Variants in IRGM observed in about 807,000 individuals in gnomAD.
IRGM encodes the protein immunity related GTPase M.
For synonymous variants in IRGM, 98 were observed against 80.6 expected, an observed-to-expected ratio of 1.22 and a Z score of -1.16; for missense variants, 288 against 219.9, an observed-to-expected ratio of 1.31 and a Z score of -1.96.
At chr5:150,888,282 T>TA (rs1298397055) in intron 3 of IRGM, among the ~76,000 whole-genome samples, 1 of 151,976 alleles carries the variant, frequency 6.6e-6, no homozygotes, top group Non-Finnish European at 1.5e-5. Context: ...ATCCTAAATA[T>TA]AAATGCAGCC....
intron 1 of IRGM, among the ~76,000 whole-genome samples, chr5:150,875,113 C>G (rs1191713571): frequency 6.6e-6 from 1 of 152,168 alleles, no homozygotes; most frequent in East Asian, 1.9e-4. Context: ...CTCCTGCAAC[C>G]CTGCCTTCTC....
intron 1 of IRGM, among the ~76,000 whole-genome samples, chr5:150,866,505 C>G (rs141159623): frequency 6.6e-6 from 1 of 152,132 alleles, no homozygotes; most frequent in African/African-American, 2.4e-5. Flanking sequence ...ATGAGATGAT[C>G]TGAAATTTTG....
At chr5:150,886,631 C>G (rs752192297) in intron 3 of IRGM, among the ~76,000 whole-genome samples, 1 of 151,926 alleles carries the variant, frequency 6.6e-6, no homozygotes, top group Middle Eastern at 3.4e-3. Flanking sequence ...ATCTTGGGAG[C>G]ATGTATACGT....
intron 3 of IRGM, among the ~76,000 whole-genome samples, chr5:150,892,606 T>A (rs973053800): frequency 6.6e-6 from 1 of 152,150 alleles, no homozygotes; most frequent in African/African-American, 2.4e-5. Context: ...AGTGTAATGT[T>A]AACTAGAAAG....
rs552045934 is a variant in IRGM, at chr5:150,872,976, G to T, written c.159-5004G>T. 1.1e-4 allele frequency among the ~76,000 whole-genome samples: 16 copies of T among 152,300 alleles called. No homozygotes were observed. The South Asian group carries it at 1.7e-3, about 16-fold the overall frequency. Reference sequence around the variant, plus strand: ...GCTCTGTGATTGCTCTTCTCTGTATGCCAGATCTAACAGTGGGAACCGCAG... The same window carrying T: ...GCTCTGTGATTGCTCTTCTCTGTATTCCAGATCTAACAGTGGGAACCGCAG... On this transcript the variant is annotated intron_variant and NMD_transcript_variant, in intron 1 of 3. Coordinates refer to the IRGM transcript ENST00000520549.
chr5:150,854,355 T>C (rs1391842521), intron 1 of IRGM, among the ~76,000 whole-genome samples: 2 of 152,136 alleles, frequency 1.3e-5, no homozygotes, highest in East Asian at 1.9e-4. Context: ...CAAAATTATA[T>C]AAAACTATTA....
rs201094973 is a variant in IRGM, at chr5:150,855,940, T to C, written c.158+7286T>C. ...TCTCTTAAAGAACAGTTTCTCCAGA[T>C]GTTAATTAGGAGACACTCAATTTTT... On this transcript the variant is annotated intron_variant and NMD_transcript_variant, in intron 1 of 3. Coordinates refer to the IRGM transcript ENST00000520549. Among the ~76,000 whole-genome samples the C allele has an allele frequency of 2.6e-5, 4 of 151,870 alleles. No homozygotes were observed. In the East Asian group the frequency reaches 5.8e-4, roughly 22 times the overall value.
chr5:150,893,607 A>G (rs1428926675), intron 3 of IRGM, among the ~76,000 whole-genome samples: 1 of 152,158 alleles, frequency 6.6e-6, no homozygotes, highest in Non-Finnish European at 1.5e-5. Context: ...TAAAGAACAG[A>G]CCATCAGAGT....
intron 3 of IRGM, chr5:150,897,854 G>T: frequency 2.0e-6 from 1 of 496,414 alleles, no homozygotes; most frequent in Non-Finnish European, 3.3e-6. Flanking sequence ...ACCCTTTCAG[G>T]AAAGACAACA....
intron 1 of IRGM, among the ~76,000 whole-genome samples, chr5:150,853,762 C>A (rs1451773021): frequency 2.6e-5 from 4 of 152,028 alleles, no homozygotes; most frequent in African/African-American, 4.8e-5. Flanking sequence ...TGGAATATCT[C>A]TTTCCACCCT....
At position 150,848,523 on chromosome 5, in the gene IRGM, G is replaced by A. The variant is rs1384852901; in HGVS notation, c.400G>A (p.Ala134Thr). Reference sequence around the variant, plus strand: ...GAATCATGTGATGCTTGCCAAAACCGCTGAGGACATGGGAAAGAAGTTCTA... The same window carrying A: ...GAATCATGTGATGCTTGCCAAAACCACTGAGGACATGGGAAAGAAGTTCTA... ...SMNHVMLAKTAEDMGKKFYIV... is the reference protein window; with the variant it reads ...SMNHVMLAKTTEDMGKKFYIV... Residue 134 changes from alanine to threonine, a missense_variant, in exon 2 of 2, where the codon GCT (alanine) becomes ACT (threonine). Ala to Thr is a moderately conservative substitution (Grantham distance 58). Coordinates refer to ENST00000522154, the MANE Select transcript of IRGM (RefSeq NM_001145805.2). The A allele has an allele frequency of 9.7e-6, 15 of 1,551,662 alleles. No homozygotes were observed. Among genetic ancestry groups the A allele is most frequent in the East Asian group, 7.3e-5 (3 of 41,074 alleles).
intron 1 of IRGM, among the ~76,000 whole-genome samples, chr5:150,856,126 TGA>T (rs1170546069): frequency 3.9e-5 from 6 of 152,170 alleles, no homozygotes; most frequent in Non-Finnish European, 8.8e-5. Flanking sequence ...GTTAAATATG[TGA>T]TTTAAAAAAT....
rs566585268 is a variant in IRGM, at chr5:150,862,807, G to A, written c.158+14153G>A. On this transcript the variant is annotated intron_variant and NMD_transcript_variant, in intron 1 of 3. Transcript: ENST00000520549. ...GCATCCTGGGGCTAGCAACATTGGA[G>A]AGCAATGACAGCCCTAGACCAGGAG... Among the ~76,000 whole-genome samples, 179 of 152,318 alleles carry A rather than the reference G, an allele frequency of 1.2e-3. 1 individual carries two copies. The highest frequency in any genetic ancestry group is 4.2e-3 in the African/African-American group (173 of 41,564).
chr5:150,872,690 G>A (rs1754302840), intron 1 of IRGM, among the ~76,000 whole-genome samples: 1 of 152,184 alleles, frequency 6.6e-6, no homozygotes, highest in South Asian at 2.1e-4. Context: ...AGCTCAGGAA[G>A]TTAAAAAGGT....
chr5:150,887,432 T>C lies in IRGM; in HGVS notation c.*140+7786T>C, dbSNP rs535903531. Among the ~76,000 whole-genome samples, 11 of 151,884 alleles carry C rather than the reference T, an allele frequency of 7.2e-5. No individual in the cohort carries two copies. In the South Asian group the frequency reaches 2.1e-3, roughly 29 times the overall value. On this transcript the variant is annotated intron_variant and NMD_transcript_variant, in intron 3 of 3. Coordinates refer to the IRGM transcript ENST00000520549. ...AGGAATGAACAAAACCTCCAAGAAG[T>C]ATGGAGTTATGTAAAGTGTCTAAAT...
intron 1 of IRGM, among the ~76,000 whole-genome samples, chr5:150,856,859 T>C (rs1388483498): frequency 6.8e-6 from 1 of 148,124 alleles, no homozygotes; most frequent in African/African-American, 2.4e-5. Flanking sequence ...ATTTTATTGT[T>C]ATTTATTAAT....
chr5:150,898,691 A>G, intron 3 of IRGM: 1 of 952,694 alleles, frequency 1.0e-6, no homozygotes. Context: ...TTTAGCAAGC[A>G]GAGCCAGGCA....
Position 150,895,619 on chromosome 5 carries a change from C to T in IRGM, c.*141-4970C>T, listed in dbSNP as rs748907067. 4.3e-6 allele frequency: 7 copies of T among 1,613,230 alleles called. No individual in the cohort carries two copies. The East Asian group carries it at 8.9e-5, about 21-fold the overall frequency. On this transcript the variant is annotated intron_variant and NMD_transcript_variant, in intron 3 of 3. Coordinates refer to the IRGM transcript ENST00000520549. The stretch of plus-strand genomic sequence containing the variant: ...AAGGTTTCTCTCCTGTATGAATTCG[C>T]TGGTGTCCCGGAAGGTGGGACTTCT...
chr5:150,853,683 T>C (rs1452693255), downstream of IRGM, among the ~76,000 whole-genome samples: 1 of 152,112 alleles, frequency 6.6e-6, no homozygotes, highest in African/African-American at 2.4e-5. Flanking sequence ...TTAATTTAAA[T>C]TTAACCTAGA....
Sources: gnomAD v4.1 joint callset for allele counts (sites outside exome capture counted in the v4.1 genomes callset) on GRCh38, gnomAD v4.1.1 for gene constraint, MANE v1.5 for transcripts, NCBI Gene and HGNC (gene_info 2026-07-23, HGNC 2026-07-21) for gene names.